Variants in TMEM45B observed in about 807,000 individuals in gnomAD.
TMEM45B encodes the protein transmembrane protein 45B.
Under a neutral mutation model 27.3 loss-of-function variants are expected in TMEM45B, and 29 were observed. That is an observed-to-expected ratio of 1.06 (90% CI 0.79 to 1.45). The LOEUF (loss-of-function observed/expected upper bound fraction) is 1.45. TMEM45B is among the 40% of genes most tolerant of loss of function. The probability of loss-of-function intolerance (pLI) is 0.00; values close to 1 mark genes in which losing one functional copy is unlikely to be tolerated. For synonymous variants in TMEM45B, 143 were observed against 134.7 expected (o/e 1.06, Z -0.43); for missense variants, 348 against 343.9 (o/e 1.01, Z -0.09).
intron 1 of TMEM45B, among the ~76,000 whole-genome samples, chr11:129,816,265 G>A (rs1377979442): frequency 6.6e-6 from 1 of 152,164 alleles, no homozygotes; most frequent in Non-Finnish European, 1.5e-5. Flanking sequence ...AGGGGAAGGT[G>A]TGAAGCCCCG....
chr11:129,849,406 A>G (rs542018868), intron 1 of TMEM45B, among the ~76,000 whole-genome samples: 2 of 152,178 alleles, frequency 1.3e-5, no homozygotes, highest in Non-Finnish European at 2.9e-5. Flanking sequence ...ATCTGACTCC[A>G]TATCTCACCT....
At chr11:129,817,595 A>G (rs1217409392) in intron 1 of TMEM45B, among the ~76,000 whole-genome samples, 1 of 152,182 alleles carries the variant, frequency 6.6e-6, no homozygotes, top group African/African-American at 2.4e-5. Flanking sequence ...TTCCTCTCAC[A>G]TCTTCATGAA....
chr11:129,821,665 C>A (rs369842180), intron 1 of TMEM45B, among the ~76,000 whole-genome samples: 1 of 152,274 alleles, frequency 6.6e-6, no homozygotes, highest in African/African-American at 2.4e-5. Context: ...AATCAGAAAT[C>A]ATTTCCCGTA....
chr11:129,834,418 G>A (rs1442755680), intron 1 of TMEM45B, among the ~76,000 whole-genome samples: 2 of 137,296 alleles, frequency 1.5e-5, no homozygotes, highest in African/African-American at 5.4e-5. Context: ...GCAATAGAGC[G>A]AGACTCAGTC....
chr11:129,822,887 C>A (rs529826585), intron 1 of TMEM45B, among the ~76,000 whole-genome samples: 28 of 147,034 alleles, frequency 1.9e-4, no homozygotes, highest in African/African-American at 7.2e-4. Context: ...GTGGCCCAGG[C>A]TGGAGTGCAG....
chr11:129,826,798 C>T (rs1223389007), intron 1 of TMEM45B, among the ~76,000 whole-genome samples: 1 of 151,112 alleles, frequency 6.6e-6, no homozygotes, highest in Non-Finnish European at 1.5e-5. Flanking sequence ...AGCTCCACCT[C>T]CTGGGTTCAC....
At chr11:129,825,483 C>G (rs2135556190) in intron 1 of TMEM45B, among the ~76,000 whole-genome samples, 1 of 152,010 alleles carries the variant, frequency 6.6e-6, no homozygotes, top group Non-Finnish European at 1.5e-5. Context: ...GCATGTCTGT[C>G]TGTTCAGCAG....
intron 1 of TMEM45B, among the ~76,000 whole-genome samples, chr11:129,816,387 C>T (rs1242394204): frequency 1.3e-5 from 2 of 152,160 alleles, no homozygotes; most frequent in Admixed American, 6.5e-5. Context: ...TACCGACTGC[C>T]TTTCCTTGTT....
Position 129,854,800 on chromosome 11 carries a change from G to A in TMEM45B, c.369G>A (p.Val123=), listed in dbSNP as rs1478281069. ...PLGVDRLVMA[V]AVFMEGFLFY... ...GGGTGGACAGACTGGTTATGGCTGTGGCAGTATTCATGGAAGGTAATTTTG... is the reference window on the plus strand; with the variant it reads ...GGGTGGACAGACTGGTTATGGCTGTAGCAGTATTCATGGAAGGTAATTTTG... The change falls in exon 3 of 6, where the codon GTG becomes GTA. Residue 123 remains valine (V), a synonymous_variant. Coordinates refer to ENST00000281441, the MANE Select transcript of TMEM45B (RefSeq NM_138788.5). The A allele has an allele frequency of 6.2e-7, 1 of 1,613,614 alleles. No homozygotes were observed. The highest frequency in any genetic ancestry group is 8.5e-7 in the Non-Finnish European group (1 of 1,180,028).
At chr11:129,832,108 C>T (rs377619415) in intron 1 of TMEM45B, among the ~76,000 whole-genome samples, 8 of 142,600 alleles carry the variant, frequency 5.6e-5, no homozygotes, top group Admixed American at 2.1e-4. Context: ...CAGTGGCTCA[C>T]GCCTGTAATC....
rs751882800 is a variant in TMEM45B, at chr11:129,823,291, A to G, written c.-9+7393A>G. On this transcript the variant is annotated intron_variant, in intron 1 of 5. Coordinates refer to ENST00000281441, the MANE Select transcript of TMEM45B (RefSeq NM_138788.5). ...TCATGTTTTTTATTTTTTTCCTGGG[A>G]AAGTTTTAGATCACGTGAAGGGAAC... is the stretch of plus-strand genomic sequence containing the variant. Among the ~76,000 whole-genome samples the G allele has an allele frequency of 2.8e-3, 426 of 152,184 alleles. 5 individuals carry two copies. Among genetic ancestry groups the G allele is most frequent in the African/African-American group, 9.8e-3 (408 of 41,510 alleles).
chr11:129,835,872 C>A (rs1424723719), intron 1 of TMEM45B, among the ~76,000 whole-genome samples: 2 of 152,222 alleles, frequency 1.3e-5, no homozygotes, highest in Non-Finnish European at 2.9e-5. Flanking sequence ...AATCCCAACA[C>A]TTTGGGAAGC....
intron 1 of TMEM45B, among the ~76,000 whole-genome samples, chr11:129,825,271 G>T (rs1222846159): frequency 6.6e-6 from 1 of 152,110 alleles, no homozygotes; most frequent in Non-Finnish European, 1.5e-5. Flanking sequence ...GCAGAATTTT[G>T]ATGTCTTTGG....
intron 1 of TMEM45B, among the ~76,000 whole-genome samples, chr11:129,820,064 A>G (rs565881203): frequency 6.6e-6 from 1 of 152,110 alleles, no homozygotes; most frequent in East Asian, 2.0e-4. Flanking sequence ...CTGTAATTCC[A>G]GCATTTTGGG....
At chr11:129,837,140 G>T (rs1440547077) in intron 1 of TMEM45B, among the ~76,000 whole-genome samples, 1 of 151,990 alleles carries the variant, frequency 6.6e-6, no homozygotes, top group Non-Finnish European at 1.5e-5. Context: ...AAGAGAACAG[G>T]CTGCCTTCTT....
At chr11:129,827,845 C>CT (rs1947504441) in intron 1 of TMEM45B, among the ~76,000 whole-genome samples, 1 of 152,110 alleles carries the variant, frequency 6.6e-6, no homozygotes, top group Non-Finnish European at 1.5e-5. Context: ...TGGTGCACAC[C>CT]TGTGGTCCCA....
At chr11:129,826,701 ATTTGTTTT>A (rs1947487529) in intron 1 of TMEM45B, among the ~76,000 whole-genome samples, 4 of 144,980 alleles carry the variant, frequency 2.8e-5, no homozygotes, top group African/African-American at 1.0e-4. Context: ...ATTTAGTCCA[ATTTGTTTT>A]TCTTTTTTTT....
chr11:129,853,814 C>A (rs1205867915), intron 2 of TMEM45B, among the ~76,000 whole-genome samples: 2 of 152,212 alleles, frequency 1.3e-5, no homozygotes, highest in African/African-American at 4.8e-5. Flanking sequence ...GCTTGAGAAA[C>A]AAGTATCTGG....
chr11:129,831,921 C>G (rs1325754445), intron 1 of TMEM45B, among the ~76,000 whole-genome samples: 1 of 151,954 alleles, frequency 6.6e-6, no homozygotes, highest in Non-Finnish European at 1.5e-5. Context: ...TAAAAATTAG[C>G]CAGGCATACT....
Sources: allele counts gnomAD v4.1 joint callset (sites outside exome capture counted in the v4.1 genomes callset), GRCh38; gene constraint gnomAD v4.1.1; transcripts MANE v1.5; gene names NCBI Gene and HGNC (gene_info 2026-07-23, HGNC 2026-07-21).